ZNF142: variants seen among roughly 807,000 people sequenced by gnomAD.
ZNF142 encodes the protein zinc finger protein 142.
A neutral mutation model predicts 132.1 loss-of-function variants in ZNF142; 96 were observed. That is an observed-to-expected ratio of 0.73 (90% confidence interval 0.62 to 0.86). The LOEUF (loss-of-function observed/expected upper bound fraction) is 0.86, where lower values mean the gene tolerates loss of function less well. Ranked by LOEUF, ZNF142 falls within the 40% of genes least tolerant of loss-of-function variation. The probability of loss-of-function intolerance (pLI) is 0.00; values close to 1 mark genes in which losing one functional copy is unlikely to be tolerated. For synonymous variants in ZNF142, 842 were observed against 890.1 expected, an observed-to-expected ratio of 0.95 and a Z score of 0.96; for missense variants, 2,163 against 2,336.2, an observed-to-expected ratio of 0.93 and a Z score of 1.53.
rs1230322846 is a variant in ZNF142, at chr2:218,638,637, T to C, written c.5366A>G (p.Glu1789Gly). Residue 1789 changes from glutamate to glycine, a missense_variant, in exon 11 of 11, where the codon GAG (glutamate) becomes GGG (glycine). Glu to Gly is a moderately conservative substitution (Grantham distance 98). This residue lies in a region of ZNF142 where 325 missense variants were observed against 367.8 expected (regional missense o/e 0.88). Transcript: ENST00000411696. ...CACATTGCACACATAGGGTTTGGCC[T>C]CACTGTGCTTGCGAAGGTGGGTGCG... ...LLRTHLRKHS[E>G]AKPYVCNVCH... is the part of the protein sequence containing the mutation. 1 of 1,614,146 alleles carries C rather than the reference T, an allele frequency of 6.2e-7. No individual in the cohort carries two copies. Among genetic ancestry groups the C allele is most frequent in the African/African-American group, 1.3e-5 (1 of 74,960 alleles).
In ZNF142 at chr2:218,652,146, G is replaced by A. The variant is rs1406496062; in HGVS notation, c.435C>T (p.Pro145=). The change falls in exon 5 of 11, where the codon CCC becomes CCT. Residue 145 remains proline (P), a synonymous_variant. Transcript: ENST00000411696. The part of the protein sequence containing the change: ...SSPPCSVELP[P]SNPTLPGPLQ... The stretch of plus-strand genomic sequence containing the variant: ...GAGGGCCAGGGAGGGTTGGGTTGCT[G>A]GGAGGCAGCTCTACAGAGCATGGGG... 2.2e-6 allele frequency: 1 copy of A among 449,974 alleles called. No homozygotes were observed. Among genetic ancestry groups the A allele is most frequent in the East Asian group, 7.0e-5 (1 of 14,258 alleles). The allele number at this position is 449,974 out of a possible 1,614,324, so 27.9% of individuals were successfully genotyped here. A position where few individuals can be genotyped will look rare whatever the true frequency, so the allele number is the denominator to read the frequency against.
chr2:218,649,387 T>C lies in ZNF142; in HGVS notation c.1121A>G (p.Lys374Arg). ...MCPECKRCFK[K>R]RTHLVEHLHL... ...CAGGTGCTCCACCAGATGAGTCCGC[T>C]TCTTAAAGCAGCGCTTACACTCTGG... The change falls in exon 7 of 11, where the codon AAG (lysine) becomes AGG (arginine). Residue 374 changes from lysine to arginine, a missense_variant. Physicochemically the swap from Lys to Arg is conservative, Grantham distance 26. Around this residue, in one of 7 missense-constraint regions of ZNF142, gnomAD observed 749 missense variants for 830.3 expected, o/e 0.90. Transcript: ENST00000411696. The C allele has an allele frequency of 6.2e-7, 1 of 1,613,956 alleles. No homozygotes were observed. Among genetic ancestry groups the C allele is most frequent in the Non-Finnish European group, 8.5e-7 (1 of 1,179,930 alleles).
intron 4 of ZNF142, among the ~76,000 whole-genome samples, chr2:218,654,220 G>A (rs1025675538): frequency 6.6e-5 from 10 of 152,140 alleles, no homozygotes; most frequent in African/African-American, 9.7e-5. Flanking sequence ...AGTGGTCAGA[G>A]TATGCAAATT....
At position 218,643,983 on chromosome 2, in the gene ZNF142, T is replaced by C. The variant is rs2106216904; in HGVS notation, c.3133A>G (p.Thr1045Ala). ...AGATTCAGGGCCTTCTCCCGGCGAG[T>C]GATAAAAGGGCAGTGTGGGCAGCGG... ...AFRCPHCPFI[T>A]RREKALNLHS... The change falls in exon 9 of 11, where the codon ACT (threonine) becomes GCT (alanine). Residue 1045 changes from threonine to alanine, a missense_variant. Transcript: ENST00000411696. The C allele has an allele frequency of 1.2e-6, 2 of 1,613,842 alleles. No individual in the cohort carries two copies. Among genetic ancestry groups the C allele is most frequent in the East Asian group, 4.5e-5 (2 of 44,850 alleles).
intron 6 of ZNF142, 28 bp downstream of exon 6, chr2:218,650,331 A>G: frequency 6.2e-7 from 1 of 1,613,736 alleles, no homozygotes; most frequent in Non-Finnish European, 8.5e-7. Context: ...CCCACCACCA[A>G]GGGCTTCAAG....
At chr2:218,652,348 A>G (rs1938087375) in intron 4 of ZNF142, 48 bp from the exon 5 acceptor site, 1 of 455,786 alleles carries the variant, frequency 2.2e-6, no homozygotes, top group African/African-American at 2.0e-5. Flanking sequence ...AGATGGAACA[A>G]GACTCATAGG....
rs200617193 is a variant in ZNF142 at position 218,635,901 on chromosome 2, C to T, written c.*2438G>A. 193 of 1,613,960 alleles carry T rather than the reference C, an allele frequency of 1.2e-4. No individual in the cohort carries two copies. In the African/African-American group the frequency reaches 2.0e-3, roughly 17 times the overall value. ...CTTTGGCGTTCGTCTAGACACAGCA[C>T]GGCAGGAGACCAACTATGTGGAGAA... is the stretch of plus-strand genomic sequence containing the variant. On this transcript the variant is annotated 3_prime_UTR_variant, in exon 11 of 11. Transcript: ENST00000411696.
intron 3 of ZNF142, among the ~76,000 whole-genome samples, chr2:218,657,775 C>T (rs1938667839): frequency 6.6e-6 from 1 of 152,168 alleles, no homozygotes; most frequent in Non-Finnish European, 1.5e-5. Flanking sequence ...GTCCTAAGGG[C>T]ACTCTGTACA....
In ZNF142 at chr2:218,634,392, C is replaced by A; in HGVS notation, c.*3947G>T. ...GCACCCAGTACCTATCTTCTTAACT[C>A]CCTGAAAGAGGGGCTGGAAGGCCTC... is the stretch of plus-strand genomic sequence containing the variant. On this transcript the variant is annotated 3_prime_UTR_variant, in exon 11 of 11. Transcript: ENST00000411696. The surrounding 1 kb of genome is among the most constrained non-coding windows in gnomAD (Gnocchi z 4.0). 1 of 1,578,890 alleles carries A rather than the reference C, an allele frequency of 6.3e-7. No individual in the cohort carries two copies. Among genetic ancestry groups the A allele is most frequent in the South Asian group, 1.2e-5 (1 of 85,028 alleles).
At chr2:218,653,754 C>T (rs1323759043) in intron 4 of ZNF142, among the ~76,000 whole-genome samples, 2 of 152,112 alleles carry the variant, frequency 1.3e-5, no homozygotes, top group South Asian at 2.1e-4. Context: ...CTAGTTTGTA[C>T]TTTCTTATCC....
chr2:218,650,258 G>A (rs1474788902), intron 6 of ZNF142, 101 bp downstream of exon 6: 17 of 1,457,876 alleles, frequency 1.2e-5, no homozygotes, highest in Admixed American at 7.4e-5. Flanking sequence ...AAAAGGATCC[G>A]AACCAAAGCT....
In ZNF142 at chr2:218,648,655, C is replaced by T. The variant is rs755158694; in HGVS notation, c.1853G>A (p.Arg618Gln). 6.2e-6 allele frequency: 10 copies of T among 1,613,590 alleles called. No homozygotes were observed. The highest frequency in any genetic ancestry group is 2.2e-5 in the South Asian group (2 of 91,074). ...FATAHKRVLI[R>Q]HMLLHTGEKP... ...CCTACCCGTATGTAGAAGCATGTGT[C>T]GGATGAGCACCCTCTTGTGGGCAGT... The change falls in exon 7 of 11, where the codon CGA becomes CAA. Residue 618 changes from arginine (R) to glutamine (Q), a missense_variant. By Grantham distance (43) the Arg-to-Gln change is conservative. Transcript: ENST00000411696.
intron 4 of ZNF142, among the ~76,000 whole-genome samples, chr2:218,653,274 C>T (rs556137043): frequency 8.0e-4 from 87 of 108,524 alleles, no homozygotes; most frequent in African/African-American, 2.2e-3. Flanking sequence ...GAGACTCTGT[C>T]TCAAAAAAAA....
chr2:218,649,385 G>A lies in ZNF142; in HGVS notation c.1123C>T (p.Arg375Trp), dbSNP rs372858030. The change falls in exon 7 of 11, where the codon CGG becomes TGG. Residue 375 changes from arginine (R) to tryptophan (W), a missense_variant. By Grantham distance (101) the Arg-to-Trp change is moderately radical. Transcript: ENST00000411696. The part of the protein sequence containing the change: ...CPECKRCFKK[R>W]THLVEHLHLH... ...TGCAGGTGCTCCACCAGATGAGTCC[G>A]CTTCTTAAAGCAGCGCTTACACTCT... is the stretch of plus-strand genomic sequence containing the variant. 8.9e-5 allele frequency: 143 copies of A among 1,613,854 alleles called. 1 individual carries two copies. Among genetic ancestry groups the A allele is most frequent in the Non-Finnish European group, 1.1e-4 (129 of 1,179,872 alleles).
chr2:218,641,901 C>A (rs575508371), intron 9 of ZNF142, 127 bp downstream of exon 9: 23 of 1,218,898 alleles, frequency 1.9e-5, no homozygotes, highest in Non-Finnish European at 2.5e-5. Flanking sequence ...GAATCTGAGG[C>A]TTGGTAAAGG....
chr2:218,649,534 T>G (rs1465874080), intron 6 of ZNF142, 75 bp from the exon 7 acceptor site: 1 of 1,363,428 alleles, frequency 7.3e-7, no homozygotes, highest in Non-Finnish European at 9.8e-7. Flanking sequence ...GAACCACAAT[T>G]TGCTCAGACA....
Position 218,633,836 on chromosome 2 carries a change from C to A in ZNF142, c.*4503G>T, listed in dbSNP as rs776151746. 4.3e-5 allele frequency: 66 copies of A among 1,541,460 alleles called. No homozygotes were observed. In the South Asian group the frequency reaches 7.3e-4, roughly 17 times the overall value. On this transcript the variant is annotated 3_prime_UTR_variant, in exon 11 of 11. Transcript: ENST00000411696. Reference sequence around the variant, plus strand: ...AGGCCTGATGGACTGGCAGGTAAGTCCCAAGAAAAAAGACAAGGTAGCTAA... The same window carrying A: ...AGGCCTGATGGACTGGCAGGTAAGTACCAAGAAAAAAGACAAGGTAGCTAA...
Position 218,633,956 on chromosome 2 carries a change from TGGATG to T in ZNF142, c.*4378_*4382del. The stretch of plus-strand genomic sequence containing the variant: ...GGGTCTAGGGGCAGGAAAGCTGGTC[TGGATG>T]GACAGAGTAGAGAGGCACAGTGAAA... On this transcript the variant is annotated 3_prime_UTR_variant, in exon 11 of 11. Coordinates refer to ENST00000411696, the MANE Select transcript of ZNF142 (RefSeq NM_001379659.1). The T allele has an allele frequency of 8.0e-7, 1 of 1,247,296 alleles. No individual in the cohort carries two copies. The highest frequency in any genetic ancestry group is 1.1e-6 in the Non-Finnish European group (1 of 897,860). The allele number at this position is 1,247,296 out of a possible 1,614,324, so 77.3% of individuals were successfully genotyped here.
chr2:218,642,173 C>CT lies in ZNF142; in HGVS notation c.4942_4943insA (p.Gly1648GlufsTer44). 6.2e-7 allele frequency: 1 copy of CT among 1,614,174 alleles called. No homozygotes were observed. Among genetic ancestry groups the CT allele is most frequent in the Non-Finnish European group, 8.5e-7 (1 of 1,180,034 alleles). On this transcript the variant is annotated frameshift_variant, in exon 9 of 11. Transcript: ENST00000411696. LOFTEE classifies it high-confidence loss of function. The surrounding 1 kb of genome is among the most constrained non-coding windows in gnomAD (Gnocchi z 4.6). Reference sequence around the variant, plus strand: ...ATCGGTGCACTTGTAGAGACGAGTGCCCCCATGCCCTTTCACATGGTGATC... The same window carrying CT: ...ATCGGTGCACTTGTAGAGACGAGTGCTCCCCATGCCCTTTCACATGGTGATC...
Sources: allele counts gnomAD v4.1 joint callset (sites outside exome capture counted in the v4.1 genomes callset), GRCh38; gene constraint gnomAD v4.1.1; regional missense constraint gnomAD v4.1.1; non-coding constraint Gnocchi (gnomAD v3.1); transcripts MANE v1.5; gene names NCBI Gene and HGNC (gene_info 2026-07-23, HGNC 2026-07-21).